Variants in AGBL1 observed in about 807,000 individuals in gnomAD.
The protein encoded by AGBL1 is cytosolic carboxypeptidase 4.
A neutral mutation model predicts 118.9 loss-of-function variants in AGBL1; 130 were observed. The ratio of observed to expected loss-of-function variants is 1.09; its 90% confidence interval spans 0.95 to 1.26. The LOEUF (loss-of-function observed/expected upper bound fraction) is 1.26. Among genes scored for constraint, AGBL1 ranks in the 50% most tolerant of loss-of-function variants. The probability of loss-of-function intolerance (pLI) is 0.00; values close to 1 mark genes in which losing one functional copy is unlikely to be tolerated. For synonymous variants in AGBL1, 555 were observed against 478.9 expected (o/e 1.16, Z -2.08); for missense variants, 1,584 against 1,298.1 (o/e 1.22, Z -3.38).
intron 23 of AGBL1, among the ~76,000 whole-genome samples, chr15:86,960,150 G>A (rs1030869485): frequency 1.3e-5 from 2 of 151,978 alleles, no homozygotes; most frequent in African/African-American, 4.8e-5. Context: ...CTTGCTTTCC[G>A]CACAGTCTGA....
In AGBL1 at chr15:86,724,160, C is replaced by A. The variant is rs9744334; in HGVS notation, c.3158+49724C>A. 8.6e-5 allele frequency among the ~76,000 whole-genome samples: 12 copies of A among 140,132 alleles called. No homozygotes were observed. The South Asian group carries it at 2.6e-3, about 30-fold the overall frequency. The allele number at this position is 140,132 out of a possible 152,430, so 91.9% of individuals were successfully genotyped here. On this transcript the variant is annotated intron_variant, in intron 22 of 22. Coordinates refer to ENST00000614907, the MANE Select transcript of AGBL1 (RefSeq NM_001386094.1). ...CTGAGGCAGGAGAATGGCGTGAATC[C>A]GGGAGGCCGAGCTTGCAGTGAGCTG...
chr15:86,104,328 C>T (rs1431706909), intron 1 of AGBL1, among the ~76,000 whole-genome samples: 1 of 152,122 alleles, frequency 6.6e-6, no homozygotes, highest in Non-Finnish European at 1.5e-5. Context: ...GTGTCATGGC[C>T]CTGCTGTTGG....
chr15:86,101,850 A>T (rs1310160024), intron 1 of AGBL1, among the ~76,000 whole-genome samples: 2 of 152,064 alleles, frequency 1.3e-5, no homozygotes, highest in African/African-American at 4.8e-5. Context: ...TTTAAATGAA[A>T]ACTTAATGCA....
In AGBL1 at chr15:86,433,552, GC is replaced by G. The variant is rs35066587; in HGVS notation, c.2555+36008del. On this transcript the variant is annotated intron_variant, in intron 18 of 22. Transcript: ENST00000614907. ...GACTGACAGAGCAGCAACTTTGACC[GC>G]CATTCACATTTCTTGGAGAGAGAAG... is the stretch of plus-strand genomic sequence containing the variant. 2.4e-3 allele frequency among the ~76,000 whole-genome samples: 370 copies of G among 152,156 alleles called. 2 individuals carry two copies. The highest frequency in any genetic ancestry group is 6.8e-3 in the Admixed American group (104 of 15,280).
chr15:86,877,557 T>C lies in AGBL1; in HGVS notation c.3159-29530T>C, dbSNP rs1056870605. Among the ~76,000 whole-genome samples, 4 of 152,098 alleles carry C rather than the reference T, an allele frequency of 2.6e-5. No homozygotes were observed. In the East Asian group the frequency reaches 7.7e-4, roughly 29 times the overall value. ...CGCTGGGGAAGGGATAAGTAGAAGG[T>C]AATGAAGCATGAGCCTCCCCTACAG... On this transcript the variant is annotated intron_variant, in intron 22 of 22. Transcript: ENST00000614907.
At chr15:86,999,259 T>G (rs2081410805) in intron 24 of AGBL1, among the ~76,000 whole-genome samples, 1 of 151,788 alleles carries the variant, frequency 6.6e-6, no homozygotes, top group Admixed American at 6.6e-5. Context: ...TTAGGGTACA[T>G]GTGCACATTG....
At chr15:86,454,923 C>A (rs1288662806) in intron 18 of AGBL1, among the ~76,000 whole-genome samples, 7 of 152,054 alleles carry the variant, frequency 4.6e-5, no homozygotes, top group Non-Finnish European at 8.8e-5. Context: ...AACAAAAAAG[C>A]AAAACTAATG....
intron 23 of AGBL1, among the ~76,000 whole-genome samples, chr15:86,987,236 A>T (rs1053704895): frequency 1.3e-5 from 2 of 152,206 alleles, no homozygotes; most frequent in African/African-American, 4.8e-5. Flanking sequence ...ATGATGGCTT[A>T]GCTTGGGCTC....
intron 13 of AGBL1, among the ~76,000 whole-genome samples, chr15:86,268,299 G>T (rs1231883757): frequency 6.6e-6 from 1 of 152,032 alleles, no homozygotes; most frequent in Non-Finnish European, 1.5e-5. Context: ...AGACGGGAAA[G>T]ACAGTCATGT....
intron 24 of AGBL1, among the ~76,000 whole-genome samples, chr15:86,994,902 A>G (rs1453353368): frequency 6.6e-6 from 1 of 152,148 alleles, no homozygotes; most frequent in East Asian, 1.9e-4. Context: ...AAAATCTTTG[A>G]CCCATACAGT....
intron 6 of AGBL1, among the ~76,000 whole-genome samples, chr15:86,241,587 T>C (rs1394896826): frequency 6.6e-6 from 1 of 152,154 alleles, no homozygotes; most frequent in Non-Finnish European, 1.5e-5. Flanking sequence ...GAGGGCCTTC[T>C]TGCTGCATAC....
At chr15:86,418,590 T>C (rs190338504) in intron 18 of AGBL1, among the ~76,000 whole-genome samples, 5 of 152,300 alleles carry the variant, frequency 3.3e-5, no homozygotes, top group Admixed American at 1.3e-4. Context: ...CCATTTTCTC[T>C]TTTTTCAAAA....
At chr15:86,094,147 T>C (rs1303367507) in intron 1 of AGBL1, among the ~76,000 whole-genome samples, 1 of 152,170 alleles carries the variant, frequency 6.6e-6, no homozygotes, top group East Asian at 1.9e-4. Flanking sequence ...ACTTCAAAAA[T>C]TAGAGCTAAA....
intron 5 of AGBL1, among the ~76,000 whole-genome samples, chr15:86,206,313 C>G (rs2077991374): frequency 6.6e-6 from 1 of 152,134 alleles, no homozygotes. Flanking sequence ...ATTTATAATT[C>G]TTTGGGTATA....
chr15:86,537,846 T>C (rs9806174), intron 19 of AGBL1, among the ~76,000 whole-genome samples: 7,784 of 152,122 alleles, frequency 0.051, 614 homozygotes, highest in African/African-American at 0.17. Context: ...TATAGAGGAG[T>C]GTAAAATCTC....
intron 17 of AGBL1, among the ~76,000 whole-genome samples, chr15:86,332,892 CA>C (rs1242000327): frequency 1.3e-5 from 2 of 152,120 alleles, no homozygotes; most frequent in East Asian, 3.8e-4. Context: ...TCTGCTCTCT[CA>C]AAAACCACAC....
At chr15:86,786,058 A>G (rs1397646686) in intron 22 of AGBL1, among the ~76,000 whole-genome samples, 1 of 152,020 alleles carries the variant, frequency 6.6e-6, no homozygotes, top group Non-Finnish European at 1.5e-5. Context: ...TTCTTTTCAG[A>G]GACTTTTTGG....
At chr15:86,542,791 A>G (rs2083522980) in intron 19 of AGBL1, among the ~76,000 whole-genome samples, 1 of 152,168 alleles carries the variant, frequency 6.6e-6, no homozygotes, top group Non-Finnish European at 1.5e-5. Context: ...ATCCCAGATA[A>G]TTCTTCTTGT....
intron 18 of AGBL1, among the ~76,000 whole-genome samples, chr15:86,410,924 T>TATATATATATATA (rs2081610147): frequency 1.2e-5 from 1 of 81,854 alleles, no homozygotes; most frequent in Non-Finnish European, 2.4e-5. Context: ...TGTTATATAA[T>TATATATATATATA]ATATATAACA....
Sources: gnomAD v4.1 joint callset for allele counts (sites outside exome capture counted in the v4.1 genomes callset) on GRCh38, gnomAD v4.1.1 for gene constraint, MANE v1.5 for transcripts, NCBI Gene and HGNC (gene_info 2026-07-23, HGNC 2026-07-21) for gene names.